Variants in NFKBIZ observed in about 807,000 individuals in gnomAD.
NFKBIZ encodes the protein NFKB inhibitor zeta, also known as NF-kappa-B inhibitor zeta.
Under a neutral mutation model 76.8 loss-of-function variants are expected in NFKBIZ, and 19 were observed. That is an observed-to-expected ratio of 0.25 (90% CI 0.17 to 0.36). NFKBIZ has a LOEUF of 0.36. NFKBIZ is among the 10% of genes least tolerant of loss of function. NFKBIZ has a pLI of 1.00. For missense variants in NFKBIZ, 829 were observed against 910.9 expected, an observed-to-expected ratio of 0.91 and a Z score of 1.16; for synonymous variants, 368 against 354.8, an observed-to-expected ratio of 1.04 and a Z score of -0.42.
chr3:101,838,819 T>C (rs1310549877), intron 2 of NFKBIZ, among the ~76,000 whole-genome samples: 1 of 152,246 alleles, frequency 6.6e-6, no homozygotes, highest in Admixed American at 6.5e-5. Context: ...TTCCTGTTGA[T>C]AGCTATGCAT....
intron 2 of NFKBIZ, among the ~76,000 whole-genome samples, chr3:101,838,293 AC>A (rs1942747755): frequency 6.6e-6 from 1 of 152,206 alleles, no homozygotes; most frequent in Non-Finnish European, 1.5e-5. Flanking sequence ...TGATTTAGAT[AC>A]TAGTATCTCA....
At chr3:101,839,489 A>C (rs1164954121) in intron 2 of NFKBIZ, among the ~76,000 whole-genome samples, 1 of 152,214 alleles carries the variant, frequency 6.6e-6, no homozygotes, top group East Asian at 1.9e-4. Context: ...AACATTTACA[A>C]GTACTGTACT....
In NFKBIZ at chr3:101,859,213, TAGG is replaced by T. The variant is rs1484706058; in HGVS notation, c.2104-102_2104-100del. On this transcript the variant is annotated intron_variant, in intron 11 of 11. Coordinates refer to ENST00000326172, the MANE Select transcript of NFKBIZ (RefSeq NM_031419.4). Reference sequence around the variant, plus strand: ...ATTTCTTCGTATACTTACAAGTTAATAGGAGTAGTGTAGATGGTATAAGAAAGG... The same window carrying T: ...ATTTCTTCGTATACTTACAAGTTAATAGTAGTGTAGATGGTATAAGAAAGG... The T allele has an allele frequency of 8.9e-6, 7 of 784,582 alleles. No individual in the cohort carries two copies. The East Asian group carries it at 1.0e-4, about 11-fold the overall frequency. The allele number at this position is 784,582 out of a possible 1,614,324, so 48.6% of individuals were successfully genotyped here. A position where few individuals can be genotyped will look rare whatever the true frequency, so the allele number is the denominator to read the frequency against.
At chr3:101,857,997 C>A in intron 11 of NFKBIZ, 1 of 836,066 alleles carries the variant, frequency 1.2e-6, no homozygotes. Context: ...TTTTAAACAG[C>A]ATATTTAATG....
intron 11 of NFKBIZ, chr3:101,858,515 A>G: frequency 1.2e-6 from 1 of 843,046 alleles, no homozygotes; most frequent in Non-Finnish European, 1.4e-6. Flanking sequence ...CTCAGGGATC[A>G]TTGAGATATT....
chr3:101,832,319 T>G (rs1942657693), intron 2 of NFKBIZ, among the ~76,000 whole-genome samples: 1 of 152,184 alleles, frequency 6.6e-6, no homozygotes, highest in Admixed American at 6.5e-5. Context: ...AAAAGATACA[T>G]AAAAGTTGCC....
chr3:101,850,840 C>T lies in NFKBIZ; in HGVS notation c.289+923C>T, dbSNP rs59449628. 9.7e-3 allele frequency among the ~76,000 whole-genome samples: 1,474 copies of T among 152,302 alleles called. 26 individuals carry two copies. The highest frequency in any genetic ancestry group is 0.033 in the African/African-American group (1,368 of 41,554). ...ATGCGAAAAGCGATTTAAACCACTG[C>T]GTAGCAGATCCAGAAAGAATATGTG... is the stretch of plus-strand genomic sequence containing the variant. On this transcript the variant is annotated intron_variant, in intron 1 of 11. Transcript: ENST00000326172.
chr3:101,843,468 A>G (rs768249220), intron 2 of NFKBIZ, among the ~76,000 whole-genome samples: 10 of 152,196 alleles, frequency 6.6e-5, no homozygotes, highest in Admixed American at 2.0e-4. Flanking sequence ...GTGTCACAAT[A>G]TCTTATGTTG....
At chr3:101,854,270 TC>T in intron 5 of NFKBIZ, among the ~76,000 whole-genome samples, 1 of 152,164 alleles carries the variant, frequency 6.6e-6, no homozygotes. Context: ...AGGTCTCAGT[TC>T]CTTGACGTGT....
intron 1 of NFKBIZ, among the ~76,000 whole-genome samples, chr3:101,851,115 T>G (rs939159422): frequency 6.6e-6 from 1 of 152,260 alleles, no homozygotes; most frequent in African/African-American, 2.4e-5. Context: ...GAACTGTTTA[T>G]CTCATGTATT....
intron 11 of NFKBIZ, chr3:101,857,864 A>C: frequency 1.1e-6 from 1 of 919,614 alleles, no homozygotes; most frequent in Non-Finnish European, 1.3e-6. Context: ...TGCTCACAAT[A>C]GTCCCGGGTA....
intron 1 of NFKBIZ, among the ~76,000 whole-genome samples, chr3:101,828,913 A>G (rs1050257030): frequency 2.6e-5 from 4 of 152,344 alleles, no homozygotes; most frequent in African/African-American, 9.6e-5. Flanking sequence ...ATTTGGTAAT[A>G]TATATTTCCT....
At chr3:101,848,310 A>G (rs891162047), upstream of NFKBIZ, among the ~76,000 whole-genome samples, 3 of 152,188 alleles carry the variant, frequency 2.0e-5, no homozygotes, top group African/African-American at 7.2e-5. Flanking sequence ...CAATCGTAAA[A>G]GGGGACTATA....
chr3:101,830,880 A>G (rs1012051427), intron 2 of NFKBIZ, among the ~76,000 whole-genome samples: 11 of 152,328 alleles, frequency 7.2e-5, no homozygotes, highest in African/African-American at 2.6e-4. Flanking sequence ...TCACAATGCT[A>G]CATTCTCTAT....
chr3:101,830,485 C>G (rs1297509240), intron 2 of NFKBIZ, among the ~76,000 whole-genome samples: 1 of 152,192 alleles, frequency 6.6e-6, no homozygotes, highest in Non-Finnish European at 1.5e-5. Context: ...CCTCTCTCCC[C>G]CATCTAGCAG....
chr3:101,850,082 G>A (rs1303527621), intron 1 of NFKBIZ, among the ~76,000 whole-genome samples, 165 bp downstream of exon 1: 1 of 151,870 alleles, frequency 6.6e-6, no homozygotes, highest in Non-Finnish European at 1.5e-5. Context: ...CCGGGCGCCT[G>A]CCTGACCTAC....
chr3:101,855,667 CATT>C, intron 8 of NFKBIZ, 63 bp from the exon 9 acceptor site: 1 of 1,498,870 alleles, frequency 6.7e-7, no homozygotes. Context: ...CAGCATTTGT[CATT>C]ATAGAAGGAC....
At chr3:101,828,427 G>A (rs762741289) in intron 1 of NFKBIZ, among the ~76,000 whole-genome samples, 2 of 152,076 alleles carry the variant, frequency 1.3e-5, no homozygotes, top group Admixed American at 6.6e-5. Context: ...GGCCCAGGAA[G>A]GACTGAGATA....
upstream of NFKBIZ, among the ~76,000 whole-genome samples, chr3:101,845,559 C>T (rs755789671): frequency 7.9e-5 from 12 of 152,108 alleles, no homozygotes; most frequent in Non-Finnish European, 1.0e-4. Context: ...GCCATGGCCT[C>T]CCAAATTGCT....
Sources: gnomAD v4.1 joint callset for allele counts (sites outside exome capture counted in the v4.1 genomes callset) on GRCh38, gnomAD v4.1.1 for gene constraint, MANE v1.5 for transcripts, NCBI Gene and HGNC (gene_info 2026-07-23, HGNC 2026-07-21) for gene names.